Variants in RTN3 observed in about 807,000 individuals in gnomAD.
RTN3 encodes reticulon 3.
Under a neutral mutation model 77.8 loss-of-function variants are expected in RTN3, and 49 were observed. That is an observed-to-expected ratio of 0.63 (90% CI 0.50 to 0.80). The LOEUF (loss-of-function observed/expected upper bound fraction) is 0.80, where lower values mean the gene tolerates loss of function less well. Ranked by LOEUF, RTN3 falls within the 30% of genes least tolerant of loss-of-function variation. The probability of loss-of-function intolerance (pLI) is 0.00; values close to 1 mark genes in which losing one functional copy is unlikely to be tolerated. For missense variants in RTN3, 1,236 were observed against 1,211.9 expected, an observed-to-expected ratio of 1.02 and a Z score of -0.29; for synonymous variants, 464 against 446.9, an observed-to-expected ratio of 1.04 and a Z score of -0.48.
rs769636918 is a variant in RTN3 at position 63,752,664 on chromosome 11, T to C, written c.2877+19T>C. 44 of 1,611,702 alleles carry C rather than the reference T, an allele frequency of 2.7e-5. 1 individual carries two copies. The East Asian group carries it at 4.7e-4, about 17-fold the overall frequency. On this transcript the variant is annotated intron_variant, in intron 5 of 8. Transcript: ENST00000377819. ...CTTGAAGGTTAGTTGTTTCTGCAGC[T>C]CTTGGTGGTAAAACAGAAAAAGCAG...
At chr11:63,712,477 A>C (rs1036547575) in intron 2 of RTN3, among the ~76,000 whole-genome samples, 1 of 131,978 alleles carries the variant, frequency 7.6e-6, no homozygotes, top group Non-Finnish European at 1.5e-5. Context: ...TGATTAAAGG[A>C]CTTTGATTTT....
At chr11:63,741,637 C>T (rs1473819742) in intron 3 of RTN3, among the ~76,000 whole-genome samples, 1 of 151,770 alleles carries the variant, frequency 6.6e-6, no homozygotes, top group African/African-American at 2.4e-5. Flanking sequence ...GTAGCTGAAA[C>T]TTACAGGTAT....
intron 8 of RTN3, 59 bp from the exon 9 acceptor site, chr11:63,758,097 A>C (rs1367148147): frequency 8.2e-7 from 1 of 1,226,702 alleles, no homozygotes; most frequent in Non-Finnish European, 1.2e-6. Context: ...TAAAATAAAA[A>C]CCTAGAGCAA....
At chr11:63,693,951 A>G (rs1025269896) in intron 1 of RTN3, among the ~76,000 whole-genome samples, 2 of 152,030 alleles carry the variant, frequency 1.3e-5, no homozygotes, top group Admixed American at 6.5e-5. Flanking sequence ...ATGAAACCCC[A>G]TCTCTACAAA....
chr11:63,702,219 T>C (rs753076918), intron 1 of RTN3, among the ~76,000 whole-genome samples: 63 of 152,246 alleles, frequency 4.1e-4, no homozygotes, highest in Admixed American at 8.5e-4. Flanking sequence ...CATGGCTTTT[T>C]TATTCTTTTT....
In RTN3 at chr11:63,683,982, C is replaced by A. The variant is rs530496730; in HGVS notation, c.142+2204C>A. Among the ~76,000 whole-genome samples, 769 of 88,618 alleles carry A rather than the reference C, an allele frequency of 8.7e-3. 6 individuals carry two copies. Among genetic ancestry groups the A allele is most frequent in the African/African-American group, 0.034 (714 of 21,116 alleles). 58.1% of individuals were successfully genotyped at this position (88,618 alleles called of 152,430 possible). On this transcript the variant is annotated intron_variant, in intron 1 of 8. Transcript: ENST00000377819. ...TTTTTTTTTTTTTTTTAGACAAGGT[C>A]TTGCTCTGTCACAGACTGGAGTGCA...
intron 8 of RTN3, 45 bp downstream of exon 8, chr11:63,756,215 C>A: frequency 1.5e-6 from 2 of 1,318,644 alleles, no homozygotes; most frequent in East Asian, 2.3e-5. Flanking sequence ...ATGCTTCCTT[C>A]CCCCCAATTA....
intron 2 of RTN3, 36 bp from the exon 3 acceptor site, chr11:63,718,666 G>C (rs768873827): frequency 2.0e-6 from 3 of 1,494,866 alleles, no homozygotes; most frequent in Non-Finnish European, 2.7e-6. Flanking sequence ...AATTGTACCT[G>C]GTAAACAATT....
At chr11:63,741,541 C>T (rs559568869) in intron 3 of RTN3, among the ~76,000 whole-genome samples, 2 of 150,960 alleles carry the variant, frequency 1.3e-5, no homozygotes, top group Non-Finnish European at 2.9e-5. Context: ...ATTCTATTGC[C>T]CAGGCTGGAA....
intron 2 of RTN3, among the ~76,000 whole-genome samples, chr11:63,713,541 G>A (rs2011226165): frequency 6.6e-6 from 1 of 151,948 alleles, no homozygotes; most frequent in South Asian, 2.1e-4. Flanking sequence ...GAACTCCTGG[G>A]CTCAAGCTGT....
intron 7 of RTN3, among the ~76,000 whole-genome samples, chr11:63,755,520 G>A (rs1029484574): frequency 2.0e-5 from 3 of 151,482 alleles, no homozygotes; most frequent in East Asian, 1.9e-4. Flanking sequence ...GCATGGTGGC[G>A]CATGCCTGTA....
intron 1 of RTN3, among the ~76,000 whole-genome samples, chr11:63,690,950 A>G (rs903971717): frequency 6.6e-6 from 1 of 152,094 alleles, no homozygotes; most frequent in African/African-American, 2.4e-5. Context: ...TTGTACAGCT[A>G]TCTCCACTAT....
intron 3 of RTN3, among the ~76,000 whole-genome samples, chr11:63,729,502 G>T (rs1218816265): frequency 1.6e-5 from 2 of 125,916 alleles, no homozygotes; most frequent in East Asian, 4.7e-4. Context: ...CTGTATCCCA[G>T]TCTGGAGTGC....
At chr11:63,732,554 A>G (rs2012771264) in intron 3 of RTN3, among the ~76,000 whole-genome samples, 1 of 152,108 alleles carries the variant, frequency 6.6e-6, no homozygotes, top group African/African-American at 2.4e-5. Context: ...TTCCATTCAG[A>G]TCCTACAGAT....
chr11:63,691,191 G>C (rs1254357003), intron 1 of RTN3, among the ~76,000 whole-genome samples: 1 of 132,354 alleles, frequency 7.6e-6, no homozygotes, highest in Non-Finnish European at 1.5e-5. Flanking sequence ...CACGATCTCT[G>C]CTCACTGCAC....
chr11:63,720,512 A>G lies in RTN3; in HGVS notation c.2010A>G (p.Glu670=). The change falls in exon 3 of 9, where the codon GAA becomes GAG. Residue 670 remains glutamate (E), a synonymous_variant. Transcript: ENST00000377819. ...GAGATAAAGGAATAGTAGATAGTGA[A>G]AGAAATGCTTTTAAAGCAATATCAG... ...ETRDKGIVDS[E]RNAFKAISEK... 6.2e-7 allele frequency: 1 copy of G among 1,614,042 alleles called. No homozygotes were observed. Among genetic ancestry groups the G allele is most frequent in the Non-Finnish European group, 8.5e-7 (1 of 1,179,988 alleles).
At chr11:63,755,139 G>A (rs940698076) in intron 7 of RTN3, among the ~76,000 whole-genome samples, 4 of 151,658 alleles carry the variant, frequency 2.6e-5, no homozygotes, top group Non-Finnish European at 5.9e-5. Flanking sequence ...AAGTGAATTA[G>A]TGTTACACAA....
At chr11:63,743,583 T>C (rs1205664962) in intron 3 of RTN3, among the ~76,000 whole-genome samples, 1 of 152,192 alleles carries the variant, frequency 6.6e-6, no homozygotes, top group Admixed American at 6.6e-5. Flanking sequence ...GTTTATTTAT[T>C]GTTGTGTTTG....
rs2011662003 is a variant in RTN3 at position 63,720,268 on chromosome 11, A to G, written c.1766A>G (p.Asn589Ser). The G allele has an allele frequency of 2.5e-6, 4 of 1,613,834 alleles. No individual in the cohort carries two copies. Among genetic ancestry groups the G allele is most frequent in the African/African-American group, 1.3e-5 (1 of 75,022 alleles). ...GCATGTTCAAAAGTACCCGATACGA[A>G]TGTCTCCTTAGAAGATGTGAGTGAA... ...EAACSKVPDT[N>S]VSLEDVSEVA... The change falls in exon 3 of 9, where the codon AAT becomes AGT. Residue 589 changes from asparagine (N) to serine (S), a missense_variant. Coordinates refer to ENST00000377819, the MANE Select transcript of RTN3 (RefSeq NM_001265589.2).
Sources: allele counts gnomAD v4.1 joint callset (sites outside exome capture counted in the v4.1 genomes callset), GRCh38; gene constraint gnomAD v4.1.1; transcripts MANE v1.5; gene names NCBI Gene and HGNC (gene_info 2026-07-23, HGNC 2026-07-21).